MYO5B: variants seen among roughly 807,000 people sequenced by gnomAD.
The protein encoded by MYO5B is myosin VB, also known as unconventional myosin-Vb.
A neutral mutation model predicts 229.3 loss-of-function variants in MYO5B; 143 were observed. The observed-to-expected ratio is 0.62, with a 90% CI of 0.54 to 0.72. The LOEUF is 0.72. Ranked by LOEUF, MYO5B falls within the 30% of genes least tolerant of loss-of-function variation. MYO5B has a pLI of 0.00. For synonymous variants in MYO5B, 918 were observed against 885.2 expected (o/e 1.04, Z -0.66); for missense variants, 2,321 against 2,331.0 (o/e 1.00, Z 0.09).
intron 1 of MYO5B, among the ~76,000 whole-genome samples, chr18:50,146,286 G>A (rs1568124080): frequency 6.6e-6 from 1 of 152,190 alleles, no homozygotes; most frequent in Non-Finnish European, 1.5e-5. Flanking sequence ...ACCTGCCCAA[G>A]GTCACACAGC....
chr18:49,974,798 G>GACACTCACACACACACACAC (rs2025730735), intron 9 of MYO5B, among the ~76,000 whole-genome samples, 183 bp from the exon 10 acceptor site: 1 of 130,996 alleles, frequency 7.6e-6, no homozygotes, highest in East Asian at 2.3e-4. Context: ...CACACACACA[G>GACACTCACACACACACACAC]ACACACACAC....
intron 1 of MYO5B, among the ~76,000 whole-genome samples, chr18:50,144,381 A>T (rs8097966): frequency 0.13 from 20,085 of 152,048 alleles, 1,401 homozygotes; most frequent in East Asian, 0.24. Context: ...CCTCCCAACC[A>T]GGAGGGGTTG....
rs370856556 is a variant in MYO5B at position 50,164,238 on chromosome 18, T to C, written c.27+30529A>G. 5.3e-5 allele frequency among the ~76,000 whole-genome samples: 8 copies of C among 152,342 alleles called. 1 individual carries two copies. The South Asian group carries it at 1.5e-3, about 28-fold the overall frequency. Reference sequence around the variant, plus strand: ...ATTGTTTGTACTTTAGTGATCTTTATGTAGTAGTGACTCAGGTCTCATTTC... The same window carrying C: ...ATTGTTTGTACTTTAGTGATCTTTACGTAGTAGTGACTCAGGTCTCATTTC... On this transcript the variant is annotated intron_variant, in intron 1 of 39. Transcript: ENST00000285039.
At chr18:50,027,946 T>C (rs2026348480) in intron 4 of MYO5B, among the ~76,000 whole-genome samples, 1 of 152,148 alleles carries the variant, frequency 6.6e-6, no homozygotes, top group Non-Finnish European at 1.5e-5. Flanking sequence ...AAGTGCAGGA[T>C]GAAGGCAACA....
At position 49,953,260 on chromosome 18, in the gene MYO5B, C is replaced by T. The variant is rs2025448827; in HGVS notation, c.1752G>A (p.Lys584=). Residue 584 remains lysine, a splice_region_variant and synonymous_variant, in exon 14 of 40, where the codon AAG becomes AAA. Transcript: ENST00000285039. Reference sequence around the variant, plus strand: ...ACTCCCCACTTCTGACACTCTTTACCTTGCTGGCCTTCAGGATATTGATCT... The same window carrying T: ...ACTCCCCACTTCTGACACTCTTTACTTTGCTGGCCTTCAGGATATTGATCT... The part of the protein sequence containing the change: ...EEQINILKAS[K]FPLVADLFHD... 1.2e-6 allele frequency: 2 copies of T among 1,613,880 alleles called. No individual in the cohort carries two copies. Among genetic ancestry groups the T allele is most frequent in the African/African-American group, 1.3e-5 (1 of 74,912 alleles).
At chr18:50,142,690 T>C (rs2032436287) in intron 1 of MYO5B, among the ~76,000 whole-genome samples, 1 of 152,180 alleles carries the variant, frequency 6.6e-6, no homozygotes, top group Non-Finnish European at 1.5e-5. Context: ...ACATCACAGG[T>C]GGCTAGTAGT....
At chr18:50,094,514 C>T (rs1020909868) in intron 1 of MYO5B, among the ~76,000 whole-genome samples, 1 of 151,966 alleles carries the variant, frequency 6.6e-6, no homozygotes, top group African/African-American at 2.4e-5. Flanking sequence ...TAATGAAACA[C>T]AGAAAGGAGT....
intron 4 of MYO5B, among the ~76,000 whole-genome samples, chr18:50,025,071 A>G (rs1387693749): frequency 4.6e-5 from 7 of 152,218 alleles, no homozygotes; most frequent in African/African-American, 1.7e-4. Context: ...CTACTGTCCT[A>G]GAATTACAGA....
intron 14 of MYO5B, among the ~76,000 whole-genome samples, chr18:49,948,504 A>T (rs567855083): frequency 4.6e-5 from 7 of 152,330 alleles, no homozygotes; most frequent in Admixed American, 4.6e-4. Flanking sequence ...GCTTGGTTTA[A>T]GTATTGGCAG....
At chr18:50,117,567 C>T (rs2144525890) in intron 1 of MYO5B, among the ~76,000 whole-genome samples, 1 of 151,846 alleles carries the variant, frequency 6.6e-6, no homozygotes, top group South Asian at 2.1e-4. Context: ...TTGTAACTTA[C>T]AAAATGGGAG....
At chr18:50,046,799 T>C (rs985159226) in intron 2 of MYO5B, among the ~76,000 whole-genome samples, 1 of 152,146 alleles carries the variant, frequency 6.6e-6, no homozygotes. Flanking sequence ...TCTACAACTA[T>C]CTAATCTTTG....
chr18:49,856,111 T>C (rs931446392), intron 30 of MYO5B, among the ~76,000 whole-genome samples: 2 of 152,198 alleles, frequency 1.3e-5, no homozygotes, highest in East Asian at 3.8e-4. Context: ...CTGGCTAAGC[T>C]GCTCACCCAC....
At chr18:50,055,559 C>G (rs1230931079) in intron 1 of MYO5B, among the ~76,000 whole-genome samples, 181 bp from the exon 2 acceptor site, 3 of 152,158 alleles carry the variant, frequency 2.0e-5, no homozygotes, top group Non-Finnish European at 4.4e-5. Flanking sequence ...GAACAACTCA[C>G]AGGACTGGTA....
intron 17 of MYO5B, among the ~76,000 whole-genome samples, chr18:49,921,597 G>C (rs1030594732): frequency 3.3e-5 from 5 of 152,190 alleles, no homozygotes; most frequent in African/African-American, 1.2e-4. Context: ...GATAAAAATA[G>C]ACCGGTATAG....
In MYO5B at chr18:50,109,873, T is replaced by C. The variant is rs146651935; in HGVS notation, c.28-54495A>G. Reference sequence around the variant, plus strand: ...AACACCCAAAGCAGGCCTAAAGCCATGTGAGAACAAGAACAAATCATGTCA... The same window carrying C: ...AACACCCAAAGCAGGCCTAAAGCCACGTGAGAACAAGAACAAATCATGTCA... On this transcript the variant is annotated intron_variant, in intron 1 of 39. Transcript: ENST00000285039. Among the ~76,000 whole-genome samples the C allele has an allele frequency of 7.0e-4, 106 of 152,308 alleles. No individual in the cohort carries two copies. In the East Asian group the frequency reaches 9.5e-3, roughly 14 times the overall value.
chr18:50,129,190 G>T (rs868972), intron 1 of MYO5B, among the ~76,000 whole-genome samples: 7 of 152,024 alleles, frequency 4.6e-5, no homozygotes, highest in African/African-American at 9.7e-5. Flanking sequence ...ACTGTGGAGA[G>T]GGCAGGGACT....
intron 1 of MYO5B, among the ~76,000 whole-genome samples, chr18:50,124,105 A>G (rs954664864): frequency 6.6e-6 from 1 of 152,158 alleles, no homozygotes; most frequent in African/African-American, 2.4e-5. Context: ...AAATTCAACA[A>G]AGTCACACTG....
In MYO5B at chr18:49,831,950, C is replaced by T. The variant is rs1383254652; in HGVS notation, c.5394+3394G>A. 3.9e-5 allele frequency among the ~76,000 whole-genome samples: 6 copies of T among 152,064 alleles called. No individual in the cohort carries two copies. The East Asian group carries it at 7.7e-4, about 20-fold the overall frequency. On this transcript the variant is annotated intron_variant, in intron 39 of 39. Transcript: ENST00000285039. ...TTATGCATGCTACAACATGGATGAC[C>T]TTTGAGAACCTAAGTGAAATAAGCC...
chr18:49,940,397 C>T (rs1393271831), intron 14 of MYO5B, among the ~76,000 whole-genome samples: 1 of 152,172 alleles, frequency 6.6e-6, no homozygotes, highest in African/African-American at 2.4e-5. Context: ...CTGTCAGATT[C>T]AGGTGACTTC....
Sources: allele counts gnomAD v4.1 joint callset (sites outside exome capture counted in the v4.1 genomes callset), GRCh38; gene constraint gnomAD v4.1.1; transcripts MANE v1.5; gene names NCBI Gene and HGNC (gene_info 2026-07-23, HGNC 2026-07-21).